The following PCDH9 variants were observed in gnomAD, a reference collection of about 807,000 sequenced individuals.
PCDH9 encodes the protein protocadherin-9.
PCDH9 carries 24 observed loss-of-function variants against 70.6 expected under a neutral mutation model. The ratio of observed to expected loss-of-function variants is 0.34; its 90% CI spans 0.25 to 0.48. PCDH9 has a LOEUF of 0.48. PCDH9 is among the 20% of genes least tolerant of loss of function. The probability of loss-of-function intolerance (pLI) is 0.99; values close to 1 mark genes in which losing one functional copy is unlikely to be tolerated. For synonymous variants in PCDH9, 562 were observed against 558.5 expected (o/e 1.01, Z -0.09); for missense variants, 1,281 against 1,503.6 (o/e 0.85, Z 2.45).
chr13:66,986,840 AACAT>A (rs1368917539), intron 2 of PCDH9, among the ~76,000 whole-genome samples: 4 of 152,028 alleles, frequency 2.6e-5, no homozygotes, highest in Non-Finnish European at 4.4e-5. Context: ...AATGAAAACA[AACAT>A]ACAACTGAAT....
chr13:66,450,248 CAT>C (rs1958178063), intron 4 of PCDH9, among the ~76,000 whole-genome samples: 1 of 152,138 alleles, frequency 6.6e-6, no homozygotes, highest in African/African-American at 2.4e-5. Flanking sequence ...TGCACCAAAA[CAT>C]ATTTAATTTA....
intron 4 of PCDH9, among the ~76,000 whole-genome samples, chr13:66,472,680 C>T (rs1958643151): frequency 1.3e-5 from 2 of 152,150 alleles, no homozygotes; most frequent in South Asian, 4.1e-4. Flanking sequence ...GAAAGTGATT[C>T]CAGATCTCTC....
At chr13:66,362,058 A>T (rs1264244716) in intron 4 of PCDH9, among the ~76,000 whole-genome samples, 2 of 152,140 alleles carry the variant, frequency 1.3e-5, no homozygotes, top group African/African-American at 4.8e-5. Context: ...TCATCTTCTT[A>T]CTCTGACATC....
chr13:66,385,033 A>G (rs1253129303), intron 4 of PCDH9, among the ~76,000 whole-genome samples: 2 of 150,490 alleles, frequency 1.3e-5, no homozygotes, highest in African/African-American at 2.5e-5. Context: ...TCCTACCCCA[A>G]CCCCTGGTAA....
chr13:66,398,095 C>A (rs1279828720), intron 4 of PCDH9, among the ~76,000 whole-genome samples: 1 of 151,850 alleles, frequency 6.6e-6, no homozygotes, highest in Non-Finnish European at 1.5e-5. Context: ...TATGACTTGT[C>A]CAATATTATA....
At chr13:67,162,927 G>T (rs2088002485) in intron 2 of PCDH9, among the ~76,000 whole-genome samples, 1 of 152,116 alleles carries the variant, frequency 6.6e-6, no homozygotes, top group East Asian at 1.9e-4. Context: ...AAGTTAACAA[G>T]AAAATATGGT....
chr13:66,953,655 G>A (rs1198218833), intron 2 of PCDH9, among the ~76,000 whole-genome samples: 1 of 152,054 alleles, frequency 6.6e-6, no homozygotes, highest in African/African-American at 2.4e-5. Flanking sequence ...AATAATGGTG[G>A]GTGGTTTTAT....
intron 4 of PCDH9, among the ~76,000 whole-genome samples, chr13:66,494,740 C>T (rs997090692): frequency 5.3e-5 from 8 of 152,058 alleles, no homozygotes; most frequent in African/African-American, 1.9e-4. Flanking sequence ...GATAACTGAC[C>T]TGGTTTCATC....
rs55837718 is a variant in PCDH9, at chr13:66,304,260, C to CAAAAAAAAAAAAAA, written c.*381_*394dup. 60 of 65,330 alleles carry CAAAAAAAAAAAAAA rather than the reference C, an allele frequency of 9.2e-4. 2 individuals carry two copies. Among genetic ancestry groups the CAAAAAAAAAAAAAA allele is most frequent in the East Asian group, 1.1e-3 (2 of 1,848 alleles). The allele number at this position is 65,330 out of a possible 1,614,324, so 4.0% of individuals were successfully genotyped here. A position where few individuals can be genotyped will look rare whatever the true frequency, so the allele number is the denominator to read the frequency against. ...TAGCAGTCCCAGCACAAATCAATGA[C>CAAAAAAAAAAAAAA]AAAAAAAAAAAAAAAAAAAAAAAAA... On this transcript the variant is annotated 3_prime_UTR_variant, in exon 5 of 5. Coordinates refer to ENST00000377865, the MANE Select transcript of PCDH9 (RefSeq NM_203487.3).
At chr13:66,469,100 A>G (rs993501155) in intron 4 of PCDH9, among the ~76,000 whole-genome samples, 3 of 152,154 alleles carry the variant, frequency 2.0e-5, no homozygotes, top group African/African-American at 4.8e-5. Flanking sequence ...CCAGGCTAAT[A>G]TATTTCTCAT....
intron 4 of PCDH9, among the ~76,000 whole-genome samples, chr13:66,445,741 T>C (rs1958074751): frequency 6.9e-6 from 1 of 145,728 alleles, no homozygotes; most frequent in Non-Finnish European, 1.5e-5. Flanking sequence ...ATATATATTA[T>C]ATATACACAT....
At chr13:66,780,627 C>T (rs946152466) in intron 3 of PCDH9, among the ~76,000 whole-genome samples, 2 of 152,142 alleles carry the variant, frequency 1.3e-5, no homozygotes, top group Non-Finnish European at 1.5e-5. Flanking sequence ...TTCCACTTTA[C>T]TCCCTAGTCA....
At chr13:66,392,511 T>C (rs909016831) in intron 4 of PCDH9, among the ~76,000 whole-genome samples, 14 of 152,328 alleles carry the variant, frequency 9.2e-5, no homozygotes, top group African/African-American at 3.1e-4. Context: ...TCTTTATTCC[T>C]TAAGCTGCTC....
intron 3 of PCDH9, among the ~76,000 whole-genome samples, chr13:66,833,843 T>G (rs2080969423): frequency 6.6e-6 from 1 of 152,146 alleles, no homozygotes; most frequent in Admixed American, 6.5e-5. Context: ...TTTAAGCAAA[T>G]TATTTACTGT....
intron 4 of PCDH9, among the ~76,000 whole-genome samples, chr13:66,306,703 C>A (rs1033639521): frequency 6.6e-6 from 1 of 151,838 alleles, no homozygotes; most frequent in Non-Finnish European, 1.5e-5. Flanking sequence ...CCCATCCCCT[C>A]AAGAGCAAAC....
At chr13:67,056,766 G>T (rs1479219726) in intron 2 of PCDH9, among the ~76,000 whole-genome samples, 1 of 152,102 alleles carries the variant, frequency 6.6e-6, no homozygotes, top group Non-Finnish European at 1.5e-5. Context: ...CATAGTGCCT[G>T]GTACTTAGTG....
chr13:67,195,058 C>G (rs2138033182), intron 2 of PCDH9, among the ~76,000 whole-genome samples: 1 of 151,982 alleles, frequency 6.6e-6, no homozygotes, highest in Non-Finnish European at 1.5e-5. Flanking sequence ...GTTATCCCTC[C>G]AAACCACTGA....
intron 3 of PCDH9, among the ~76,000 whole-genome samples, chr13:66,787,751 A>T (rs2080102433): frequency 6.6e-6 from 1 of 152,092 alleles, no homozygotes; most frequent in Non-Finnish European, 1.5e-5. Context: ...ACCAAAAGAG[A>T]ATTTTTCTTC....
At chr13:66,822,440 T>A (rs562707530) in intron 3 of PCDH9, among the ~76,000 whole-genome samples, 1 of 152,124 alleles carries the variant, frequency 6.6e-6, no homozygotes, top group African/African-American at 2.4e-5. Context: ...TTCCATGATG[T>A]AGTGCTAGAG....
Sources: allele counts gnomAD v4.1 joint callset (sites outside exome capture counted in the v4.1 genomes callset), GRCh38; gene constraint gnomAD v4.1.1; transcripts MANE v1.5; gene names NCBI Gene and HGNC (gene_info 2026-07-23, HGNC 2026-07-21).